CEP104: variants seen among roughly 807,000 people sequenced by gnomAD.
CEP104 encodes the protein centrosomal protein 104, also known as centrosomal protein of 104 kDa.
A neutral mutation model predicts 113.3 loss-of-function variants in CEP104; 84 were observed. That is an observed-to-expected ratio of 0.74 (90% confidence interval 0.62 to 0.89). The LOEUF is 0.89. Among genes scored for constraint, CEP104 ranks in the 40% least tolerant of loss-of-function variants. The probability of loss-of-function intolerance (pLI) is 0.00; values close to 1 mark genes in which losing one functional copy is unlikely to be tolerated. For missense variants in CEP104, 1,053 were observed against 1,156.6 expected (o/e 0.91, Z 1.30); for synonymous variants, 378 against 421.7 (o/e 0.90, Z 1.27).
At chr1:3,836,350 A>T in intron 10 of CEP104, 145 bp downstream of exon 10, 1 of 838,098 alleles carries the variant, frequency 1.2e-6, no homozygotes, top group Non-Finnish European at 1.8e-6. Flanking sequence ...CCAATTCAGG[A>T]AGAACAAAGG....
At chr1:3,847,927 C>T (rs1398626487) in intron 3 of CEP104, among the ~76,000 whole-genome samples, 2 of 152,062 alleles carry the variant, frequency 1.3e-5, no homozygotes, top group East Asian at 1.9e-4. Context: ...CTCCACCTCC[C>T]GGGTTCAAGC....
At chr1:3,818,704 T>C (rs1643916749) in intron 20 of CEP104, among the ~76,000 whole-genome samples, 1 of 152,260 alleles carries the variant, frequency 6.6e-6, no homozygotes, top group Non-Finnish European at 1.5e-5. Context: ...TTATGTTCTT[T>C]GATGAAGAGG....
chr1:3,826,237 G>T, intron 17 of CEP104, 133 bp downstream of exon 17: 2 of 735,590 alleles, frequency 2.7e-6, no homozygotes, highest in Non-Finnish European at 2.4e-6. Context: ...GCTGGTTAGT[G>T]CAGAAGGCAC....
Position 3,847,600 on chromosome 1 carries a change from A to G in CEP104, c.301T>C (p.Cys101Arg), listed in dbSNP as rs548106670. 10 of 1,614,206 alleles carry G rather than the reference A, an allele frequency of 6.2e-6. No individual in the cohort carries two copies. In the African/African-American group the frequency reaches 1.3e-4, roughly 22 times the overall value. Residue 101 changes from cysteine (C) to arginine (R), a missense_variant, in exon 4 of 22, where the codon TGT becomes CGT. Cys to Arg is a radical substitution (Grantham distance 180, BLOSUM62 -3). Transcript: ENST00000378230. ...RFRRLGYVSL[C>R]DNEKTGCKAR... ...TTGCAACCTGTCTTTTCATTATCAC[A>G]GAGAGACACGTAGCTGAAAAACAAA...
At position 3,813,305 on chromosome 1, in the gene CEP104, C is replaced by T. The variant is rs1643824631; in HGVS notation, c.*2097G>A. On this transcript the variant is annotated 3_prime_UTR_variant, in exon 22 of 22. Coordinates refer to ENST00000378230, the MANE Select transcript of CEP104 (RefSeq NM_014704.4). Reference sequence around the variant, plus strand: ...TCGCTCTGTCGCCTGGGCTGGAGTGCAATGGCATGATGTGGGCTCAATGCA... The same window carrying T: ...TCGCTCTGTCGCCTGGGCTGGAGTGTAATGGCATGATGTGGGCTCAATGCA... 6.7e-6 allele frequency: 1 copy of T among 149,446 alleles called. No individual in the cohort carries two copies. The highest frequency in any genetic ancestry group is 2.5e-5 in the African/African-American group (1 of 40,390). The allele number at this position is 149,446 out of a possible 1,614,324, so 9.3% of individuals were successfully genotyped here.
At chr1:3,846,922 G>A (rs1026024130) in intron 4 of CEP104, among the ~76,000 whole-genome samples, 2 of 152,208 alleles carry the variant, frequency 1.3e-5, no homozygotes, top group African/African-American at 4.8e-5. Flanking sequence ...AAGAGATGAA[G>A]AATTAGCAGC....
At chr1:3,852,190 C>T (rs915638665) in intron 2 of CEP104, 105 bp downstream of exon 2, 21 of 1,093,066 alleles carry the variant, frequency 1.9e-5, no homozygotes, top group Admixed American at 6.2e-5. Flanking sequence ...TCCTGATGTC[C>T]GAGTGATAGT....
chr1:3,832,414 GGTCCT>G (rs1273216451), intron 12 of CEP104, among the ~76,000 whole-genome samples: 9 of 64,980 alleles, frequency 1.4e-4, no homozygotes, highest in Non-Finnish European at 3.5e-4. Context: ...GTGTAGCGTA[GGTCCT>G]GACCAGGAGT....
At chr1:3,842,679 G>A (rs1457959751) in intron 6 of CEP104, among the ~76,000 whole-genome samples, 4 of 152,192 alleles carry the variant, frequency 2.6e-5, no homozygotes, top group African/African-American at 9.7e-5. Flanking sequence ...CACCAAACAC[G>A]GACAAATTTG....
chr1:3,833,137 C>T lies in CEP104; in HGVS notation c.1659+725G>A, dbSNP rs578110181. 2.0e-5 allele frequency among the ~76,000 whole-genome samples: 3 copies of T among 152,118 alleles called. No individual in the cohort carries two copies. In the East Asian group the frequency reaches 5.8e-4, roughly 29 times the overall value. On this transcript the variant is annotated intron_variant, in intron 12 of 21. Transcript: ENST00000378230. ...CTGGGACGACAGGCACGCACCACCA[C>T]ACCCGGCTAATTTTTGGATTTTTAG... is the stretch of plus-strand genomic sequence containing the variant.
At chr1:3,829,492 TAAC>T (rs932738365) in intron 14 of CEP104, 119 bp from the exon 15 acceptor site, 11 of 736,398 alleles carry the variant, frequency 1.5e-5, no homozygotes, top group African/African-American at 1.4e-4. Context: ...CTAAGACTAA[TAAC>T]AAGTTAGAAT....
intron 1 of CEP104, among the ~76,000 whole-genome samples, chr1:3,852,804 A>C (rs1343952735): frequency 1.3e-5 from 2 of 152,182 alleles, no homozygotes; most frequent in African/African-American, 2.4e-5. Flanking sequence ...GCCCAATGCA[A>C]CGTGACTTCT....
intron 1 of CEP104, 101 bp from the exon 2 acceptor site, chr1:3,852,522 G>T: frequency 1.9e-6 from 2 of 1,030,900 alleles, no homozygotes; most frequent in South Asian, 1.9e-5. Flanking sequence ...ACACAATAAT[G>T]CACTAAGTAT....
chr1:3,854,217 T>A (rs1644668113), intron 1 of CEP104, among the ~76,000 whole-genome samples: 1 of 152,134 alleles, frequency 6.6e-6, no homozygotes, highest in Non-Finnish European at 1.5e-5. Context: ...AGCAACCACC[T>A]GGTGTCCCCA....
At chr1:3,842,169 G>C (rs1644425108) in intron 6 of CEP104, among the ~76,000 whole-genome samples, 1 of 152,170 alleles carries the variant, frequency 6.6e-6, no homozygotes. Context: ...CTCGCTGCAA[G>C]CTCCGCCTCA....
chr1:3,836,415 T>A, intron 10 of CEP104, 80 bp downstream of exon 10: 1 of 1,420,646 alleles, frequency 7.0e-7, no homozygotes, highest in Non-Finnish European at 9.4e-7. Context: ...CCTTTATGTG[T>A]AAGTACACAG....
chr1:3,815,596 A>T, intron 21 of CEP104, 79 bp from the exon 22 acceptor site: 1 of 1,014,156 alleles, frequency 9.9e-7, no homozygotes, highest in South Asian at 1.7e-5. Flanking sequence ...GGCCACAGAC[A>T]CCCAGCAACA....
At chr1:3,828,984 G>A (rs1313716279) in intron 15 of CEP104, among the ~76,000 whole-genome samples, 2 of 152,182 alleles carry the variant, frequency 1.3e-5, no homozygotes, top group Non-Finnish European at 2.9e-5. Context: ...GTGGAGGAGA[G>A]CAGCTCTGGG....
intron 10 of CEP104, 25 bp from the exon 11 acceptor site, chr1:3,835,117 A>G (rs774090958): frequency 4.4e-6 from 7 of 1,603,504 alleles, no homozygotes; most frequent in Non-Finnish European, 6.0e-6. Flanking sequence ...GCAGCATTTC[A>G]TGGCATCACA....
Sources: allele counts gnomAD v4.1 joint callset (sites outside exome capture counted in the v4.1 genomes callset), GRCh38; gene constraint gnomAD v4.1.1; transcripts MANE v1.5; gene names NCBI Gene and HGNC (gene_info 2026-07-23, HGNC 2026-07-21).